The following PRKCG variants were observed in gnomAD, a reference collection of about 807,000 sequenced individuals.
PRKCG encodes protein kinase C gamma type.
A neutral mutation model predicts 82.0 loss-of-function variants in PRKCG; 28 were observed. The observed-to-expected ratio is 0.34, with a 90% CI of 0.25 to 0.47. The LOEUF (loss-of-function observed/expected upper bound fraction) is 0.47. Among genes scored for constraint, PRKCG ranks in the 20% least tolerant of loss-of-function variants. The pLI is 1.00. For missense variants in PRKCG, 640 were observed against 952.7 expected (o/e 0.67, Z 4.32); for synonymous variants, 383 against 376.6 (o/e 1.02, Z -0.20).
chr19:53,898,993 G>T (rs2068742048), intron 11 of PRKCG, among the ~76,000 whole-genome samples: 1 of 149,650 alleles, frequency 6.7e-6, no homozygotes, highest in South Asian at 2.1e-4. Context: ...GTTTAGAGGG[G>T]CGGGCTTTGT....
At chr19:53,893,849 G>T (rs574659825) in intron 9 of PRKCG, among the ~76,000 whole-genome samples, 6 of 152,080 alleles carry the variant, frequency 3.9e-5, no homozygotes, top group East Asian at 3.9e-4. Flanking sequence ...CAGCTCCCGG[G>T]TTCAAGCAAT....
chr19:53,900,922 G>A lies in PRKCG; in HGVS notation c.1575+173G>A, dbSNP rs552313078. On this transcript the variant is annotated intron_variant, in intron 14 of 17. Coordinates refer to ENST00000263431, the MANE Select transcript of PRKCG (RefSeq NM_002739.5). This position sits in a 1 kb window ranked among gnomAD's most constrained non-coding sequence, Gnocchi z 4.2. ...CCAGCACAGGTGAGCTTGGCACTGA[G>A]CCTGCCAGGTGGGCCCAGCTGGGTC... Among the ~76,000 whole-genome samples, 104 of 152,366 alleles carry A rather than the reference G, an allele frequency of 6.8e-4. No homozygotes were observed. Among genetic ancestry groups the A allele is most frequent in the African/African-American group, 2.3e-3 (96 of 41,602 alleles).
In PRKCG at chr19:53,900,596, C is replaced by T. The variant is rs754395814; in HGVS notation, c.1437-15C>T. 10 of 1,614,080 alleles carry T rather than the reference C, an allele frequency of 6.2e-6. No individual in the cohort carries two copies. Among genetic ancestry groups the T allele is most frequent in the Non-Finnish European group, 8.5e-6 (10 of 1,180,046 alleles). The stretch of plus-strand genomic sequence containing the variant: ...ACTTCTTGCAATTCCTGCCCCACAC[C>T]CCTGCATCGTCCAGGGACCTGAAGC... On this transcript the variant is annotated splice_polypyrimidine_tract_variant and intron_variant, in intron 13 of 17. Coordinates refer to ENST00000263431, the MANE Select transcript of PRKCG (RefSeq NM_002739.5). This position sits in a 1 kb window ranked among gnomAD's most constrained non-coding sequence, Gnocchi z 4.2.
rs1486282471 is a variant in PRKCG at position 53,883,571 on chromosome 19, G to A, written c.202+377G>A. Among the ~76,000 whole-genome samples the A allele has an allele frequency of 6.6e-6, 1 of 151,814 alleles. No individual in the cohort carries two copies. Among genetic ancestry groups the A allele is most frequent in the Admixed American group, 6.6e-5 (1 of 15,256 alleles). ...GCCATGACAACACCAGCCGTCCTAG[G>A]CAGGGGCAGGCCGGGTGGGGTCACC... is the stretch of plus-strand genomic sequence containing the variant. On this transcript the variant is annotated intron_variant, in intron 2 of 17. Coordinates refer to ENST00000263431, the MANE Select transcript of PRKCG (RefSeq NM_002739.5). The surrounding 1 kb of genome is among the most constrained non-coding windows in gnomAD (Gnocchi z 5.4).
At chr19:53,897,225 G>A (rs1053077498) in intron 9 of PRKCG, among the ~76,000 whole-genome samples, 2 of 152,186 alleles carry the variant, frequency 1.3e-5, no homozygotes, top group African/African-American at 4.8e-5. Context: ...ACATGACCTG[G>A]TTTATTTATT....
Position 53,900,256 on chromosome 19 carries a change from G to A in PRKCG, c.1305G>A (p.Glu435=). 6.2e-7 allele frequency: 1 copy of A among 1,614,132 alleles called. No homozygotes were observed. The highest frequency in any genetic ancestry group is 8.5e-7 in the Non-Finnish European group (1 of 1,180,028). ...QTPDRLYFVM[E]YVTGGDLMYH... Reference sequence around the variant, plus strand: ...AGGACCGCCTGTATTTCGTGATGGAGTACGTCACCGGGGGAGACTTGATGT... The same window carrying A: ...AGGACCGCCTGTATTTCGTGATGGAATACGTCACCGGGGGAGACTTGATGT... Residue 435 remains glutamate, a synonymous_variant, in exon 12 of 18, where the codon GAG becomes GAA. Coordinates refer to ENST00000263431, the MANE Select transcript of PRKCG (RefSeq NM_002739.5). This position sits in a 1 kb window ranked among gnomAD's most constrained non-coding sequence, Gnocchi z 4.2.
intron 3 of PRKCG, among the ~76,000 whole-genome samples, chr19:53,886,637 C>T (rs1190689967): frequency 6.6e-6 from 1 of 151,846 alleles, no homozygotes; most frequent in Non-Finnish European, 1.5e-5. Flanking sequence ...GTCTTCAACT[C>T]CTGGTCTCAC....
intron 5 of PRKCG, 88 bp from the exon 6 acceptor site, chr19:53,891,586 T>C: frequency 1.9e-6 from 3 of 1,550,554 alleles, no homozygotes; most frequent in Non-Finnish European, 2.7e-6. Flanking sequence ...CTGGCCAAGC[T>C]TGGAACTCTT....
chr19:53,893,345 T>C lies in PRKCG; in HGVS notation c.910-17T>C. 1 of 1,612,540 alleles carries C rather than the reference T, an allele frequency of 6.2e-7. No homozygotes were observed. The highest frequency in any genetic ancestry group is 8.5e-7 in the Non-Finnish European group (1 of 1,178,564). ...TGCATCTCTTGGGACCCTGACTCTCTCTTTCTTTTCTCCCAGGCTTGTAAC... is the reference window on the plus strand; with the variant it reads ...TGCATCTCTTGGGACCCTGACTCTCCCTTTCTTTTCTCCCAGGCTTGTAAC... On this transcript the variant is annotated splice_polypyrimidine_tract_variant and intron_variant, in intron 8 of 17. Transcript: ENST00000263431.
chr19:53,895,403 G>T (rs1224135315), intron 9 of PRKCG, among the ~76,000 whole-genome samples: 1 of 150,284 alleles, frequency 6.7e-6, no homozygotes, highest in Non-Finnish European at 1.5e-5. Context: ...CAGGAGAATT[G>T]CTGGATTCCG....
In PRKCG at chr19:53,882,520, G is replaced by T; in HGVS notation, c.26G>T (p.Gly9Val). The change falls in exon 1 of 18, where the codon GGC becomes GTC. Residue 9 changes from glycine to valine, a missense_variant. Gly to Val is a moderately radical substitution (Grantham distance 109). This residue lies in a region of PRKCG where 27 missense variants were observed against 23.9 expected (regional missense o/e 1.13). Coordinates refer to ENST00000263431, the MANE Select transcript of PRKCG (RefSeq NM_002739.5). The surrounding 1 kb of genome is among the most constrained non-coding windows in gnomAD (Gnocchi z 6.1). MAGLGPGV[G>V]DSEGGPRPLF... ...ATGGCTGGTCTGGGCCCCGGCGTAG[G>T]CGATTCAGAGGGGGGACCCCGGCCC... The T allele has an allele frequency of 1.9e-6, 3 of 1,614,136 alleles. No individual in the cohort carries two copies. The highest frequency in any genetic ancestry group is 2.5e-6 in the Non-Finnish European group (3 of 1,180,004).
chr19:53,900,780 T>G lies in PRKCG; in HGVS notation c.1575+31T>G. The G allele has an allele frequency of 6.2e-7, 1 of 1,613,920 alleles. No homozygotes were observed. The highest frequency in any genetic ancestry group is 8.5e-7 in the Non-Finnish European group (1 of 1,180,010). The stretch of plus-strand genomic sequence containing the variant: ...CCCAACCCTGCTGCTCTGGTCACGC[T>G]TTGAGATCCCTTAGAGGGTGTAGCT... On this transcript the variant is annotated intron_variant, in intron 14 of 17. Coordinates refer to ENST00000263431, the MANE Select transcript of PRKCG (RefSeq NM_002739.5). The surrounding 1 kb of genome is among the most constrained non-coding windows in gnomAD (Gnocchi z 4.2).
Position 53,892,412 on chromosome 19 carries a change from G to A in PRKCG, c.687-97G>A. ...CCGACAAAGCAGGAGAGGAGCCCCA[G>A]CTGGCTGGGTTTGCCCCCACCTCCA... On this transcript the variant is annotated intron_variant, in intron 6 of 17. Transcript: ENST00000263431. The surrounding 1 kb of genome is among the most constrained non-coding windows in gnomAD (Gnocchi z 5.9). 1 of 1,530,816 alleles carries A rather than the reference G, an allele frequency of 6.5e-7. No homozygotes were observed. The highest frequency in any genetic ancestry group is 1.2e-5 in the South Asian group (1 of 84,280). 94.8% of individuals were successfully genotyped at this position (1,530,816 alleles called of 1,614,324 possible). A position where few individuals can be genotyped will look rare whatever the true frequency, so the allele number is the denominator to read the frequency against.
chr19:53,896,376 GATTATTATTATTATT>G (rs113382850), intron 9 of PRKCG, among the ~76,000 whole-genome samples: 2,427 of 141,928 alleles, frequency 0.017, 62 homozygotes, highest in East Asian at 0.11. Context: ...AAACAGCCCT[GATTATTATTATTATT>G]ATTATTATTA....
chr19:53,900,817 A>G lies in PRKCG; in HGVS notation c.1575+68A>G. 6.2e-7 allele frequency: 1 copy of G among 1,609,350 alleles called. No homozygotes were observed. Among genetic ancestry groups the G allele is most frequent in the East Asian group, 2.2e-5 (1 of 44,864 alleles). On this transcript the variant is annotated intron_variant, in intron 14 of 17. Coordinates refer to ENST00000263431, the MANE Select transcript of PRKCG (RefSeq NM_002739.5). This position sits in a 1 kb window ranked among gnomAD's most constrained non-coding sequence, Gnocchi z 4.2. ...TAGAGGGTGTAGCTGATGGTCCAGT[A>G]TTCACCACGGGTGAGGCCTGACCCT...
In PRKCG at chr19:53,882,681, G is replaced by A. The variant is rs2068601918; in HGVS notation, c.170+17G>A. 6.2e-7 allele frequency: 1 copy of A among 1,610,480 alleles called. No individual in the cohort carries two copies. Among genetic ancestry groups the A allele is most frequent in the African/African-American group, 1.3e-5 (1 of 74,908 alleles). ...CTTCATCTGGTGAGGGAAGGGGGCT[G>A]GGGGACTGGGGGACGAGGGGACTAG... On this transcript the variant is annotated intron_variant, in intron 1 of 17. Transcript: ENST00000263431. The surrounding 1 kb of genome is among the most constrained non-coding windows in gnomAD (Gnocchi z 6.1).
rs141945335 is a variant in PRKCG at position 53,887,429 on chromosome 19, G to A, written c.286-2209G>A. Among the ~76,000 whole-genome samples, 985 of 136,868 alleles carry A rather than the reference G, an allele frequency of 7.2e-3. 13 individuals carry two copies. The highest frequency in any genetic ancestry group is 0.026 in the African/African-American group (945 of 35,684). 89.8% of individuals were successfully genotyped at this position (136,868 alleles called of 152,430 possible). A position where few individuals can be genotyped will look rare whatever the true frequency, so the allele number is the denominator to read the frequency against. On this transcript the variant is annotated intron_variant, in intron 3 of 17. Coordinates refer to ENST00000263431, the MANE Select transcript of PRKCG (RefSeq NM_002739.5). ...GGAGAATCACTTGAACCCAGGAGGC[G>A]GAGGTTGCAGTGAGCCAAGATTGCG...
intron 9 of PRKCG, 25 bp from the exon 10 acceptor site, chr19:53,897,934 G>A (rs1211164056): frequency 6.2e-7 from 1 of 1,613,812 alleles, no homozygotes; most frequent in Non-Finnish European, 8.5e-7. Context: ...AACTGCCTCT[G>A]GCTCTTTCTT....
At chr19:53,906,492 C>T in intron 17 of PRKCG, 35 bp downstream of exon 17, 3 of 1,569,128 alleles carry the variant, frequency 1.9e-6, no homozygotes, top group Non-Finnish European at 1.7e-6. Context: ...AACCTGGTCC[C>T]TGAAGGGGTG....
Sources: gnomAD v4.1 joint callset for allele counts (sites outside exome capture counted in the v4.1 genomes callset) on GRCh38, gnomAD v4.1.1 for gene constraint, gnomAD v4.1.1 regional missense constraint, Gnocchi (gnomAD v3.1) non-coding constraint, MANE v1.5 for transcripts, NCBI Gene and HGNC (gene_info 2026-07-23, HGNC 2026-07-21) for gene names.